Variants in PLEKHA5 observed in about 807,000 individuals in gnomAD.
PLEKHA5 encodes pleckstrin homology domain containing A5, also known as pleckstrin homology domain-containing family A member 5.
In PLEKHA5, 55 loss-of-function variants were observed where a neutral mutation model predicts 181.9. That is an observed-to-expected ratio of 0.30 (90% CI 0.24 to 0.38). The LOEUF (loss-of-function observed/expected upper bound fraction) is 0.38, where lower values mean the gene tolerates loss of function less well. Among genes scored for constraint, PLEKHA5 ranks in the 10% least tolerant of loss-of-function variants. PLEKHA5 has a pLI of 1.00. For synonymous variants in PLEKHA5, 535 were observed against 529.4 expected (o/e 1.01, Z -0.15); for missense variants, 1,432 against 1,549.5 (o/e 0.92, Z 1.27).
chr12:19,172,932 T>C (rs2046256995), intron 3 of PLEKHA5, among the ~76,000 whole-genome samples: 1 of 151,482 alleles, frequency 6.6e-6, no homozygotes, highest in Non-Finnish European at 1.5e-5. Context: ...CGGGTATGTT[T>C]TGCATCTGAG....
At chr12:19,262,301 T>C (rs1366066151) in intron 7 of PLEKHA5, among the ~76,000 whole-genome samples, 2 of 152,212 alleles carry the variant, frequency 1.3e-5, no homozygotes, top group Admixed American at 6.5e-5. Flanking sequence ...TGGTGCAATC[T>C]TGGCTCACTG....
intron 16 of PLEKHA5, among the ~76,000 whole-genome samples, chr12:19,318,633 C>G (rs769140487): frequency 2.0e-5 from 3 of 152,122 alleles, no homozygotes; most frequent in Non-Finnish European, 4.4e-5. Flanking sequence ...AAATATTAAG[C>G]AAACTACGGC....
At chr12:19,252,426 A>C (rs2065584953) in intron 3 of PLEKHA5, among the ~76,000 whole-genome samples, 1 of 152,124 alleles carries the variant, frequency 6.6e-6, no homozygotes, top group African/African-American at 2.4e-5. Flanking sequence ...ACTTAATGAA[A>C]ATTATTATAG....
At chr12:19,256,129 C>T (rs555346085) in intron 5 of PLEKHA5, among the ~76,000 whole-genome samples, 273 of 151,990 alleles carry the variant, frequency 1.8e-3, no homozygotes, top group Non-Finnish European at 2.4e-3. Context: ...AATCAGTTTT[C>T]GGGAAAGAAA....
intron 3 of PLEKHA5, among the ~76,000 whole-genome samples, chr12:19,246,553 C>A (rs2063792407): frequency 1.4e-5 from 2 of 147,336 alleles, no homozygotes; most frequent in Admixed American, 7.0e-5. Context: ...ACCCAGGAGG[C>A]GGATGTTGCA....
chr12:19,195,628 G>A (rs1408589574), intron 3 of PLEKHA5, among the ~76,000 whole-genome samples: 1 of 136,922 alleles, frequency 7.3e-6, no homozygotes. Flanking sequence ...CGCTGAGATT[G>A]CGCCATTGCA....
intron 18 of PLEKHA5, 49 bp from the exon 19 acceptor site, chr12:19,322,261 A>T: frequency 1.7e-6 from 2 of 1,210,084 alleles, no homozygotes; most frequent in Non-Finnish European, 2.4e-6. Flanking sequence ...ACCTCCAATT[A>T]CAGAAAAAAT....
intron 20 of PLEKHA5, among the ~76,000 whole-genome samples, chr12:19,333,291 AAAG>A (rs780409320): frequency 4.6e-4 from 69 of 151,218 alleles, no homozygotes; most frequent in Non-Finnish European, 6.6e-4. Flanking sequence ...ATCTCAAAAA[AAAG>A]AAGGCCAGCC....
intron 3 of PLEKHA5, among the ~76,000 whole-genome samples, chr12:19,224,724 GAAATAA>G (rs2059448382): frequency 6.6e-6 from 1 of 152,036 alleles, no homozygotes. Flanking sequence ...GTGTTCTAAT[GAAATAA>G]AAATTACATT....
Position 19,255,182 on chromosome 12 carries a change from T to C in PLEKHA5, c.432+17T>C. On this transcript the variant is annotated intron_variant, in intron 5 of 31. Coordinates refer to ENST00000429027, the MANE Select transcript of PLEKHA5 (RefSeq NM_001256470.2). The stretch of plus-strand genomic sequence containing the variant: ...GTAGGCAGAGTAAGTTATTTTGCTT[T>C]ATATTAATTATTGATAAGGAGTAAA... The C allele has an allele frequency of 1.9e-6, 3 of 1,543,200 alleles. No individual in the cohort carries two copies. The highest frequency in any genetic ancestry group is 2.7e-6 in the Non-Finnish European group (3 of 1,131,820).
chr12:19,339,390 A>G (rs1391738503), intron 21 of PLEKHA5, among the ~76,000 whole-genome samples: 6 of 152,188 alleles, frequency 3.9e-5, no homozygotes, highest in Non-Finnish European at 5.9e-5. Context: ...AGGCCATACC[A>G]AAAGAGGCTG....
chr12:19,244,091 A>T (rs2063178054), intron 3 of PLEKHA5, among the ~76,000 whole-genome samples: 1 of 152,154 alleles, frequency 6.6e-6, no homozygotes. Context: ...AAATTACTTG[A>T]CTAGCATAGG....
At chr12:19,317,956 G>A (rs1226780382) in intron 16 of PLEKHA5, among the ~76,000 whole-genome samples, 1 of 114,156 alleles carries the variant, frequency 8.8e-6, no homozygotes, top group Non-Finnish European at 1.7e-5. Context: ...GGCTAAAGGT[G>A]TATTTGAAAA....
At chr12:19,178,431 A>C (rs994068632) in intron 3 of PLEKHA5, among the ~76,000 whole-genome samples, 1 of 152,228 alleles carries the variant, frequency 6.6e-6, no homozygotes, top group Non-Finnish European at 1.5e-5. Context: ...CAAGTTAGAG[A>C]GACAGGTGCA....
intron 21 of PLEKHA5, among the ~76,000 whole-genome samples, chr12:19,340,451 GT>G (rs2093798176): frequency 7.4e-6 from 1 of 134,992 alleles, no homozygotes; most frequent in Non-Finnish European, 1.7e-5. Flanking sequence ...TCTGGGAGGT[GT>G]ACTCAACAGC....
chr12:19,283,708 T>A lies in PLEKHA5; in HGVS notation c.1742T>A (p.Val581Glu). The change falls in exon 12 of 32, where the codon GTG becomes GAG. Residue 581 changes from valine to glutamate, a missense_variant. By Grantham distance (121) the Val-to-Glu change is moderately radical. Transcript: ENST00000429027. ...EVSSPIQRGD[V>E]TIDRRHRAHH... ...TCTTCACCAATTCAGAGAGGAGATG[T>A]GACAATAGACCGCAGACACAGGGCC... 1 of 1,613,952 alleles carries A rather than the reference T, an allele frequency of 6.2e-7. No individual in the cohort carries two copies. The highest frequency in any genetic ancestry group is 8.5e-7 in the Non-Finnish European group (1 of 1,179,926).
At chr12:19,260,129 A>T (rs1426666997) in intron 6 of PLEKHA5, among the ~76,000 whole-genome samples, 2 of 152,208 alleles carry the variant, frequency 1.3e-5, no homozygotes, top group East Asian at 3.9e-4. Flanking sequence ...TCTTTTTTGC[A>T]TGATGAGCAA....
chr12:19,358,463 T>C, intron 27 of PLEKHA5, 26 bp downstream of exon 27: 2 of 1,487,242 alleles, frequency 1.3e-6, no homozygotes, highest in South Asian at 2.3e-5. Context: ...TTGATTATTA[T>C]TTTGTGTAAA....
chr12:19,153,565 C>T (rs1292907231), intron 3 of PLEKHA5: 1 of 152,142 alleles, frequency 6.6e-6, no homozygotes, highest in East Asian at 1.9e-4. Flanking sequence ...TCTTGCACCA[C>T]AGTGATACAG....
Sources: gnomAD v4.1 joint callset for allele counts (sites outside exome capture counted in the v4.1 genomes callset) on GRCh38, gnomAD v4.1.1 for gene constraint, MANE v1.5 for transcripts, NCBI Gene and HGNC (gene_info 2026-07-23, HGNC 2026-07-21) for gene names.